PRPF18: variants seen among roughly 807,000 people sequenced by gnomAD.
The protein encoded by PRPF18 is pre-mRNA-splicing factor 18.
PRPF18 carries 38 observed loss-of-function variants against 46.5 expected under a neutral mutation model. The observed-to-expected ratio is 0.82, with a 90% CI of 0.63 to 1.07. PRPF18 has a LOEUF of 1.07. Among genes scored for constraint, PRPF18 ranks in the 50% least tolerant of loss-of-function variants. The probability of loss-of-function intolerance (pLI) is 0.00; values close to 1 mark genes in which losing one functional copy is unlikely to be tolerated. For synonymous variants in PRPF18, 152 were observed against 146.7 expected, an observed-to-expected ratio of 1.04 and a Z score of -0.26; for missense variants, 263 against 410.0, an observed-to-expected ratio of 0.64 and a Z score of 3.10.
At position 13,610,062 on chromosome 10, in the gene PRPF18, A is replaced by G. The variant is rs1190759845; in HGVS notation, c.387A>G (p.Ala129=). The change falls in exon 5 of 10, where the codon GCA becomes GCG. Residue 129 remains alanine, a synonymous_variant. Transcript: ENST00000378572. ...VNKGLRNDLK[A]ALDKIDQQYL... ...AGGGATTGAGGAATGATTTGAAAGC[A>G]GCCTTGGATAAGATTGATCAGCAGT... The G allele has an allele frequency of 2.5e-6, 4 of 1,612,292 alleles. No individual in the cohort carries two copies. The highest frequency in any genetic ancestry group is 2.5e-6 in the Non-Finnish European group (3 of 1,178,524).
intron 9 of PRPF18, among the ~76,000 whole-genome samples, chr10:13,620,489 A>G (rs986793297): frequency 3.9e-5 from 6 of 152,220 alleles, no homozygotes; most frequent in African/African-American, 1.4e-4. Flanking sequence ...GTATAGCCCA[A>G]TGATTCTTGA....
intron 6 of PRPF18, among the ~76,000 whole-genome samples, chr10:13,612,318 G>T (rs138480041): frequency 1.4e-3 from 211 of 152,268 alleles, no homozygotes; most frequent in African/African-American, 4.8e-3. Flanking sequence ...TGTCGCCCAG[G>T]CTGGAATGCA....
intron 5 of PRPF18, 85 bp from the exon 6 acceptor site, chr10:13,611,530 G>A: frequency 9.1e-7 from 1 of 1,095,004 alleles, no homozygotes; most frequent in Non-Finnish European, 1.4e-6. Context: ...GTGACCAAGA[G>A]CCATGTTTAG....
intron 9 of PRPF18, among the ~76,000 whole-genome samples, chr10:13,617,989 G>A (rs2133850045): frequency 6.6e-6 from 1 of 152,308 alleles, no homozygotes; most frequent in Non-Finnish European, 1.5e-5. Flanking sequence ...ATTGACAGAG[G>A]GAAGCCATGG....
At chr10:13,646,801 G>A in the PRPF18 span, 2 of 154,378 alleles carry the variant, frequency 1.3e-5, no homozygotes, top group African/African-American at 4.8e-5. Context: ...GGGAGGGAAT[G>A]CGGAGACAGG....
At chr10:13,603,532 A>G (rs558876740) in intron 3 of PRPF18, among the ~76,000 whole-genome samples, 1 of 152,266 alleles carries the variant, frequency 6.6e-6, no homozygotes, top group African/African-American at 2.4e-5. Flanking sequence ...AATCTTAAGC[A>G]GTGTTTTACA....
Position 13,616,330 on chromosome 10 carries a change from T to G in PRPF18, c.793-68T>G, listed in dbSNP as rs911618474. 1.0e-5 allele frequency: 15 copies of G among 1,467,194 alleles called. No individual in the cohort carries two copies. The African/African-American group carries it at 1.4e-4, about 14-fold the overall frequency. 90.9% of individuals were successfully genotyped at this position (1,467,194 alleles called of 1,614,324 possible). ...TACATCATAAAGGGCTGTGAAATAC[T>G]TTCAGTAAGAATTTGAGCCAGTACA... On this transcript the variant is annotated intron_variant, in intron 8 of 9. Coordinates refer to ENST00000378572, the MANE Select transcript of PRPF18 (RefSeq NM_003675.4).
Position 13,611,599 on chromosome 10 carries a change from G to C in PRPF18, c.511-16G>C. The C allele has an allele frequency of 6.2e-7, 1 of 1,609,446 alleles. No individual in the cohort carries two copies. ...CTCTGTATTAATGAACAGAAGCATT[G>C]TTTCTTTTTCTTCAGGCGCTTGGAG... On this transcript the variant is annotated splice_polypyrimidine_tract_variant and intron_variant, in intron 5 of 9. Coordinates refer to ENST00000378572, the MANE Select transcript of PRPF18 (RefSeq NM_003675.4).
the PRPF18 span, chr10:13,651,708 G>A: frequency 8.5e-6 from 5 of 586,194 alleles, no homozygotes; most frequent in African/African-American, 1.9e-5. Flanking sequence ...TTTCTGGGAA[G>A]CAGTGTTAGG....
At chr10:13,620,436 G>A (rs980154398) in intron 9 of PRPF18, among the ~76,000 whole-genome samples, 1 of 152,176 alleles carries the variant, frequency 6.6e-6, no homozygotes, top group African/African-American at 2.4e-5. Context: ...ATGCCTCAAT[G>A]CCTCAACAAA....
At chr10:13,608,859 T>C (rs1227802082) in intron 4 of PRPF18, among the ~76,000 whole-genome samples, 3 of 152,192 alleles carry the variant, frequency 2.0e-5, no homozygotes, top group East Asian at 1.9e-4. Context: ...TAGTAATCAA[T>C]TATTTGGCCG....
At chr10:13,621,325 G>C (rs1159999314) in intron 9 of PRPF18, among the ~76,000 whole-genome samples, 1 of 152,174 alleles carries the variant, frequency 6.6e-6, no homozygotes, top group Non-Finnish European at 1.5e-5. Context: ...GCGATGAGAG[G>C]GACTGGAAGG....
intron 3 of PRPF18, among the ~76,000 whole-genome samples, chr10:13,604,906 T>C (rs903732081): frequency 2.6e-5 from 4 of 152,242 alleles, no homozygotes; most frequent in African/African-American, 9.6e-5. Flanking sequence ...GTTATAATTA[T>C]GTAAAATGAG....
At position 13,591,203 on chromosome 10, in the gene PRPF18, T is replaced by C. The variant is rs115199047; in HGVS notation, c.66+4051T>C. 4.2e-3 allele frequency among the ~76,000 whole-genome samples: 644 copies of C among 152,344 alleles called. 3 individuals are homozygous for C. The highest frequency in any genetic ancestry group is 0.015 in the African/African-American group (614 of 41,576). ...GTTGTATCCATGGGAAGACAGTCTT[T>C]AGATCTGCAGCTCTATCATTTCATG... On this transcript the variant is annotated intron_variant, in intron 1 of 9. Coordinates refer to ENST00000378572, the MANE Select transcript of PRPF18 (RefSeq NM_003675.4).
At chr10:13,600,166 C>A in intron 2 of PRPF18, 78 bp from the exon 3 acceptor site, 2 of 1,159,564 alleles carry the variant, frequency 1.7e-6, no homozygotes, top group Non-Finnish European at 2.4e-6. Context: ...GTTTAACTTC[C>A]ATAGCTAAGG....
chr10:13,625,169 A>G (rs2080482972), intron 9 of PRPF18, among the ~76,000 whole-genome samples: 1 of 152,112 alleles, frequency 6.6e-6, no homozygotes, highest in African/African-American at 2.4e-5. Flanking sequence ...TTCTCTACAA[A>G]AAATAAAAAA....
the PRPF18 span, chr10:13,640,626 C>A: frequency 6.6e-6 from 1 of 152,290 alleles, no homozygotes; most frequent in East Asian, 1.9e-4. Context: ...TATGTCCAAT[C>A]AGTCTGTTTT....
chr10:13,633,734 C>G (rs1002350684), downstream of PRPF18, among the ~76,000 whole-genome samples: 3 of 152,172 alleles, frequency 2.0e-5, no homozygotes, highest in African/African-American at 7.2e-5. Context: ...CCTCCTCCTT[C>G]CCCCAGTATA....
chr10:13,626,818 C>G (rs1193455579), intron 9 of PRPF18, among the ~76,000 whole-genome samples: 1 of 150,328 alleles, frequency 6.7e-6, no homozygotes, highest in Non-Finnish European at 1.5e-5. Flanking sequence ...TTTTTTTTCC[C>G]CTCAAACAGT....
Sources: gnomAD v4.1 joint callset for allele counts (sites outside exome capture counted in the v4.1 genomes callset) on GRCh38, gnomAD v4.1.1 for gene constraint, MANE v1.5 for transcripts, NCBI Gene and HGNC (gene_info 2026-07-23, HGNC 2026-07-21) for gene names.